ANKS1B: variants seen among roughly 807,000 people sequenced by gnomAD.
The protein encoded by ANKS1B is ankyrin repeat and sterile alpha motif domain containing 1B, also known as ankyrin repeat and sterile alpha motif domain-containing protein 1B.
In ANKS1B, 36 loss-of-function variants were observed where a neutral mutation model predicts 148.3. The observed-to-expected ratio is 0.24, with a 90% confidence interval of 0.19 to 0.32. The LOEUF (loss-of-function observed/expected upper bound fraction) is 0.32, where lower values mean the gene tolerates loss of function less well. Ranked by LOEUF, ANKS1B falls within the 10% of genes least tolerant of loss-of-function variation. The pLI is 1.00. For missense variants in ANKS1B, 1,157 were observed against 1,542.6 expected, an observed-to-expected ratio of 0.75 and a Z score of 4.19; for synonymous variants, 542 against 560.8, an observed-to-expected ratio of 0.97 and a Z score of 0.47.
At chr12:98,874,521 C>T (rs1232513869) in intron 17 of ANKS1B, among the ~76,000 whole-genome samples, 3 of 151,994 alleles carry the variant, frequency 2.0e-5, no homozygotes, top group East Asian at 3.9e-4. Context: ...TCAATCTCAT[C>T]GGGAGGAAGG....
rs141031737 is a variant in ANKS1B, at chr12:99,407,217, G to A, written c.1576-7406C>T. 1.3e-4 allele frequency among the ~76,000 whole-genome samples: 19 copies of A among 146,066 alleles called. 2 individuals are homozygous for A. The highest frequency in any genetic ancestry group is 4.4e-4 in the African/African-American group (17 of 38,648). ...AATTTATCCCAGGGATGCAAGGATG[G>A]TTCAACTTATGTAAATCAATCAGAT... On this transcript the variant is annotated intron_variant, in intron 11 of 26. Coordinates refer to ENST00000683438, the MANE Select transcript of ANKS1B (RefSeq NM_001352186.2).
intron 21 of ANKS1B, among the ~76,000 whole-genome samples, chr12:98,800,722 T>C (rs2098998087): frequency 1.6e-5 from 2 of 128,144 alleles, no homozygotes; most frequent in African/African-American, 3.1e-5. Flanking sequence ...CATTTTAAGA[T>C]TGTACGTTAT....
At chr12:99,831,510 G>A (rs1370953555) in intron 1 of ANKS1B, among the ~76,000 whole-genome samples, 2 of 152,198 alleles carry the variant, frequency 1.3e-5, no homozygotes, top group Non-Finnish European at 2.9e-5. Flanking sequence ...ATTTATCACA[G>A]AGTGAGGGTA....
chr12:99,751,285 C>A (rs114024864), intron 8 of ANKS1B, among the ~76,000 whole-genome samples: 2,064 of 151,860 alleles, frequency 0.014, 46 homozygotes, highest in African/African-American at 0.048. Flanking sequence ...GATAATGTAA[C>A]CTCTTATTAA....
rs753734754 is a variant in ANKS1B, at chr12:99,504,540, C to A, written c.1374G>T (p.Met458Ile). 1.9e-6 allele frequency: 3 copies of A among 1,612,740 alleles called. No homozygotes were observed. In the East Asian group the frequency reaches 6.7e-5, roughly 36 times the overall value. ...AAGGTTTCTTTGTAACAGCTGTGTC[C>A]ATGAGATCACACAGAAAGTTCTCAT... ...SENENFLCDL[M>I]DTAVTKKPCS... Residue 458 changes from methionine (M) to isoleucine (I), a missense_variant, in exon 10 of 27, where the codon ATG becomes ATT. This residue lies in a region of ANKS1B where 661 missense variants were observed against 642.1 expected (regional missense o/e 1.03). Transcript: ENST00000683438.
chr12:99,482,571 T>A (rs915171967), intron 10 of ANKS1B, among the ~76,000 whole-genome samples: 1 of 151,932 alleles, frequency 6.6e-6, no homozygotes, highest in Non-Finnish European at 1.5e-5. Context: ...TGAAAAATAA[T>A]GTTGGTATTT....
intron 11 of ANKS1B, among the ~76,000 whole-genome samples, chr12:99,414,894 G>C: frequency 6.6e-6 from 1 of 152,200 alleles, no homozygotes; most frequent in Non-Finnish European, 1.5e-5. Flanking sequence ...TCTATCCCTA[G>C]TATTTAACAT....
In ANKS1B at chr12:99,882,463, T is replaced by C. The variant is rs191975866; in HGVS notation, c.135-57074A>G. Among the ~76,000 whole-genome samples the C allele has an allele frequency of 1.6e-4, 24 of 152,202 alleles. No homozygotes were observed. In the East Asian group the frequency reaches 4.6e-3, roughly 29 times the overall value. On this transcript the variant is annotated intron_variant, in intron 1 of 26. Coordinates refer to ENST00000683438, the MANE Select transcript of ANKS1B (RefSeq NM_001352186.2). ...CCCAAAATACCCATACCTAGACATA[T>C]GATAATCAAACTTCTAAAAATTACA...
chr12:99,872,462 T>G (rs559445576), intron 1 of ANKS1B, among the ~76,000 whole-genome samples: 1 of 152,072 alleles, frequency 6.6e-6, no homozygotes, highest in African/African-American at 2.4e-5. Flanking sequence ...AAATCACCAA[T>G]GTGAAACAAA....
At chr12:98,950,633 C>T (rs1244140420) in intron 17 of ANKS1B, among the ~76,000 whole-genome samples, 1 of 149,640 alleles carries the variant, frequency 6.7e-6, no homozygotes, top group African/African-American at 2.5e-5. Context: ...TTTTTTAGTC[C>T]TGCCCCCCAA....
Position 99,608,314 on chromosome 12 carries a change from G to A in ANKS1B, c.1272+46753C>T, listed in dbSNP as rs189735596. ...ACCATCAAATTGTGGCTTTGGCTCC[G>A]AAATTCCTTTGACCAACTTAGCCAA... On this transcript the variant is annotated intron_variant, in intron 9 of 26. Coordinates refer to ENST00000683438, the MANE Select transcript of ANKS1B (RefSeq NM_001352186.2). Among the ~76,000 whole-genome samples, 3 of 152,140 alleles carry A rather than the reference G, an allele frequency of 2.0e-5. No homozygotes were observed. In the East Asian group the frequency reaches 5.8e-4, roughly 29 times the overall value.
chr12:99,785,154 T>G (rs1223950286), intron 4 of ANKS1B, among the ~76,000 whole-genome samples: 2 of 151,566 alleles, frequency 1.3e-5, no homozygotes, highest in Admixed American at 6.6e-5. Flanking sequence ...CAAGGAAGAT[T>G]CCAAAGATGA....
intron 1 of ANKS1B, among the ~76,000 whole-genome samples, chr12:99,970,486 A>G (rs2095544758): frequency 6.6e-6 from 1 of 151,930 alleles, no homozygotes; most frequent in Non-Finnish European, 1.5e-5. Flanking sequence ...AAAGTTTTAA[A>G]TAGTCATGCT....
intron 17 of ANKS1B, among the ~76,000 whole-genome samples, chr12:99,030,452 C>G (rs1598692018): frequency 6.6e-6 from 1 of 151,982 alleles, no homozygotes; most frequent in Admixed American, 6.6e-5. Context: ...CCCCCAACCC[C>G]CACCCCCGTC....
chr12:99,758,127 G>A (rs538847336), intron 8 of ANKS1B, among the ~76,000 whole-genome samples: 10 of 151,990 alleles, frequency 6.6e-5, no homozygotes, highest in South Asian at 4.2e-4. Flanking sequence ...ATTTTTGACC[G>A]TGAAGTCATG....
At chr12:99,828,766 G>C (rs1301721104) in intron 1 of ANKS1B, among the ~76,000 whole-genome samples, 1 of 151,360 alleles carries the variant, frequency 6.6e-6, no homozygotes, top group Non-Finnish European at 1.5e-5. Context: ...CCAGCACTTT[G>C]AAAGGCTGAA....
chr12:99,909,104 G>A (rs935178512), intron 1 of ANKS1B, among the ~76,000 whole-genome samples: 4 of 150,052 alleles, frequency 2.7e-5, no homozygotes, highest in Non-Finnish European at 5.9e-5. Flanking sequence ...GTGAGATCAT[G>A]CAGTGTTTTT....
intron 17 of ANKS1B, among the ~76,000 whole-genome samples, chr12:98,921,111 C>A (rs1349202882): frequency 6.6e-6 from 1 of 151,984 alleles, no homozygotes; most frequent in Admixed American, 6.6e-5. Flanking sequence ...CCTTTCTTCC[C>A]TTTCTTCTTT....
chr12:99,676,324 T>A (rs1301181549), intron 8 of ANKS1B, among the ~76,000 whole-genome samples: 1 of 152,166 alleles, frequency 6.6e-6, no homozygotes, highest in African/African-American at 2.4e-5. Flanking sequence ...AAAACTAAGA[T>A]AAAATATATT....
Sources: allele counts gnomAD v4.1 joint callset (sites outside exome capture counted in the v4.1 genomes callset), GRCh38; gene constraint gnomAD v4.1.1; regional missense constraint gnomAD v4.1.1; transcripts MANE v1.5; gene names NCBI Gene and HGNC (gene_info 2026-07-23, HGNC 2026-07-21).